The following STAU2 variants were observed in gnomAD, a reference collection of about 807,000 sequenced individuals.
The protein encoded by STAU2 is double-stranded RNA-binding protein Staufen homolog 2.
STAU2 carries 20 observed loss-of-function variants against 65.9 expected under a neutral mutation model. That is an observed-to-expected ratio of 0.30 (90% confidence interval 0.21 to 0.44). The LOEUF is 0.44. STAU2 is among the 20% of genes least tolerant of loss of function. STAU2 has a pLI of 1.00. For synonymous variants in STAU2, 232 were observed against 233.9 expected (o/e 0.99, Z 0.07); for missense variants, 558 against 683.9 (o/e 0.82, Z 2.05).
intron 10 of STAU2, 54 bp from the exon 11 acceptor site, chr8:73,595,351 A>G: frequency 2.7e-6 from 4 of 1,490,842 alleles, no homozygotes; most frequent in Non-Finnish European, 3.6e-6. Context: ...AAATTTAAAC[A>G]GGAAGTCCTT....
intron 13 of STAU2, among the ~76,000 whole-genome samples, chr8:73,487,509 G>A (rs1820975977): frequency 6.6e-6 from 1 of 152,110 alleles, no homozygotes; most frequent in African/African-American, 2.4e-5. Context: ...TAAACACACA[G>A]AAGTGCCCTT....
chr8:73,518,901 G>A (rs751262664), intron 13 of STAU2, among the ~76,000 whole-genome samples: 3 of 151,966 alleles, frequency 2.0e-5, no homozygotes, highest in Non-Finnish European at 4.4e-5. Context: ...AAGATCAAGG[G>A]ACAAGTTTCG....
intron 13 of STAU2, among the ~76,000 whole-genome samples, chr8:73,530,616 T>C (rs1284510781): frequency 6.6e-6 from 1 of 152,118 alleles, no homozygotes; most frequent in East Asian, 1.9e-4. Context: ...CCTTTTTGAA[T>C]AGAAATTTTG....
chr8:73,649,869 TTATATATATATATA>T lies in STAU2; in HGVS notation c.410+23224_410+23237del, dbSNP rs55814743. Among the ~76,000 whole-genome samples, 496 of 71,630 alleles carry T rather than the reference TTATATATATATATA, an allele frequency of 6.9e-3. 15 individuals carry two copies. Among genetic ancestry groups the T allele is most frequent in the African/African-American group, 0.022 (394 of 18,296 alleles). 47.0% of individuals were successfully genotyped at this position (71,630 alleles called of 152,430 possible). ...TAGTATATATGTCTTCTATATAATTTTATATATATATATATATATATATATATATATATATATAT... is the reference window on the plus strand; with the variant it reads ...TAGTATATATGTCTTCTATATAATTTTATATATATATATATATATATATAT... On this transcript the variant is annotated intron_variant, in intron 6 of 14. Coordinates refer to ENST00000524300, the MANE Select transcript of STAU2 (RefSeq NM_001164380.2).
intron 13 of STAU2, among the ~76,000 whole-genome samples, chr8:73,543,352 T>A (rs144262932): frequency 6.6e-6 from 1 of 152,216 alleles, no homozygotes; most frequent in East Asian, 1.9e-4. Flanking sequence ...TTGGTGACTA[T>A]ATACATTTTT....
At position 73,466,013 on chromosome 8, in the gene STAU2, G is replaced by T. The variant is rs184450477; in HGVS notation, c.1531-43311C>A. The stretch of plus-strand genomic sequence containing the variant: ...GTATTTTTAGTAGAGACAGGGTTTC[G>T]CCATGTTGGCTCACCCCTGTTTTCA... On this transcript the variant is annotated intron_variant, in intron 13 of 14. Transcript: ENST00000524300. Among the ~76,000 whole-genome samples the T allele has an allele frequency of 1.7e-3, 258 of 152,202 alleles. 1 individual carries two copies. The highest frequency in any genetic ancestry group is 5.1e-3 in the African/African-American group (211 of 41,526).
chr8:73,427,370 C>T (rs1447239485), intron 13 of STAU2, among the ~76,000 whole-genome samples: 5 of 152,162 alleles, frequency 3.3e-5, no homozygotes, highest in African/African-American at 1.2e-4. Flanking sequence ...CCAGTTTTGT[C>T]ATCTTTTGGC....
chr8:73,649,408 G>C (rs1317009444), intron 6 of STAU2, among the ~76,000 whole-genome samples: 2 of 152,010 alleles, frequency 1.3e-5, no homozygotes, highest in African/African-American at 2.4e-5. Context: ...CAGAGGTCCA[G>C]GTTGCCGACC....
intron 13 of STAU2, among the ~76,000 whole-genome samples, chr8:73,544,369 G>A: frequency 6.6e-6 from 1 of 152,184 alleles, no homozygotes; most frequent in East Asian, 1.9e-4. Context: ...ACTGCTGACA[G>A]AATTATCTTT....
intron 13 of STAU2, among the ~76,000 whole-genome samples, chr8:73,426,077 G>A (rs946270691): frequency 1.5e-4 from 23 of 151,970 alleles, no homozygotes; most frequent in Non-Finnish European, 3.2e-4. Context: ...ACAGGCATGC[G>A]CCTCTGCCCC....
intron 6 of STAU2, among the ~76,000 whole-genome samples, chr8:73,669,453 G>A (rs543751157): frequency 2.6e-5 from 4 of 151,962 alleles, no homozygotes; most frequent in African/African-American, 4.8e-5. Flanking sequence ...AAAAAATGCC[G>A]ACATTCTTAA....
chr8:73,740,247 G>T (rs187364231), intron 1 of STAU2, among the ~76,000 whole-genome samples: 153 of 152,306 alleles, frequency 1.0e-3, no homozygotes, highest in African/African-American at 3.5e-3. Context: ...CACAGAAACT[G>T]TAAGATAATG....
chr8:73,574,755 C>G (rs1222740682), intron 12 of STAU2, among the ~76,000 whole-genome samples: 1 of 151,942 alleles, frequency 6.6e-6, no homozygotes, highest in African/African-American at 2.4e-5. Flanking sequence ...TGGGGCCTGT[C>G]ATGGGGTAGG....
At chr8:73,710,351 A>G (rs146498638) in intron 3 of STAU2, among the ~76,000 whole-genome samples, 1 of 149,196 alleles carries the variant, frequency 6.7e-6, no homozygotes, top group African/African-American at 2.5e-5. Context: ...CAGCCTCCCA[A>G]GTAGCTGAAT....
intron 13 of STAU2, among the ~76,000 whole-genome samples, chr8:73,446,360 G>A (rs531627561): frequency 2.0e-5 from 3 of 152,286 alleles, no homozygotes; most frequent in South Asian, 2.1e-4. Flanking sequence ...TTTGTATCTC[G>A]ATCGCTGAGT....
At chr8:73,585,246 C>T (rs1012474894) in intron 11 of STAU2, among the ~76,000 whole-genome samples, 10 of 152,180 alleles carry the variant, frequency 6.6e-5, no homozygotes, top group African/African-American at 2.2e-4. Flanking sequence ...TTTGGGAGGC[C>T]GAGGCGAGCG....
intron 1 of STAU2, 67 bp from the exon 2 acceptor site, chr8:73,739,935 G>T: frequency 1.4e-6 from 1 of 702,352 alleles, no homozygotes; most frequent in Non-Finnish European, 2.5e-6. Context: ...AAAATTCTTA[G>T]GTGTCACCTT....
At chr8:73,633,831 A>G (rs1025405203) in intron 6 of STAU2, among the ~76,000 whole-genome samples, 1 of 152,014 alleles carries the variant, frequency 6.6e-6, no homozygotes, top group African/African-American at 2.4e-5. Flanking sequence ...AAATACAAAA[A>G]TTAGCCAGGC....
At chr8:73,502,855 A>G (rs998950826) in intron 13 of STAU2, among the ~76,000 whole-genome samples, 1 of 152,082 alleles carries the variant, frequency 6.6e-6, no homozygotes, top group Non-Finnish European at 1.5e-5. Context: ...ACATGGGCAC[A>G]TATTGTCACA....
Sources: gnomAD v4.1 joint callset for allele counts (sites outside exome capture counted in the v4.1 genomes callset) on GRCh38, gnomAD v4.1.1 for gene constraint, MANE v1.5 for transcripts, NCBI Gene and HGNC (gene_info 2026-07-23, HGNC 2026-07-21) for gene names.